SLCO1C1: variants seen among roughly 807,000 people sequenced by gnomAD.
SLCO1C1 encodes the protein OAT-RP-5.
SLCO1C1 carries 70 observed loss-of-function variants against 76.4 expected under a neutral mutation model. That is an observed-to-expected ratio of 0.92 (90% CI 0.76 to 1.12). The LOEUF is 1.12. SLCO1C1 is among the 50% of genes most tolerant of loss of function. The pLI, the probability that SLCO1C1 is intolerant of heterozygous loss-of-function variation, is 0.00. For missense variants in SLCO1C1, 912 were observed against 823.8 expected (o/e 1.11, Z -1.31); for synonymous variants, 306 against 286.1 (o/e 1.07, Z -0.70).
intron 11 of SLCO1C1, 114 bp downstream of exon 11, chr12:20,737,386 G>C: frequency 9.2e-7 from 1 of 1,081,608 alleles, no homozygotes; most frequent in Middle Eastern, 2.2e-4. Flanking sequence ...TCTTACCTCT[G>C]CCTGGTCCTT....
intron 5 of SLCO1C1, 74 bp from the exon 6 acceptor site, chr12:20,715,065 G>T: frequency 6.4e-7 from 1 of 1,554,220 alleles, no homozygotes; most frequent in Admixed American, 1.7e-5. Flanking sequence ...TAAGATATAC[G>T]GTAGAAATGC....
chr12:20,696,419 T>A (rs1217698218), intron 1 of SLCO1C1, among the ~76,000 whole-genome samples: 1 of 152,042 alleles, frequency 6.6e-6, no homozygotes, highest in Non-Finnish European at 1.5e-5. Context: ...AGAGTCCGAG[T>A]CAGTTGCAGA....
intron 5 of SLCO1C1, among the ~76,000 whole-genome samples, chr12:20,713,336 C>T (rs553964568): frequency 2.6e-5 from 4 of 152,226 alleles, no homozygotes; most frequent in Non-Finnish European, 5.9e-5. Context: ...GCCTCGGCCT[C>T]CCAAAGTGCT....
chr12:20,718,540 C>A (rs1437197988), intron 7 of SLCO1C1, among the ~76,000 whole-genome samples: 1 of 152,126 alleles, frequency 6.6e-6, no homozygotes. Context: ...GTATTGTTAA[C>A]CATCATTTAA....
chr12:20,751,131 T>G (rs1949285033), intron 14 of SLCO1C1, among the ~76,000 whole-genome samples: 1 of 152,120 alleles, frequency 6.6e-6, no homozygotes, highest in Non-Finnish European at 1.5e-5. Flanking sequence ...GGTCACATTT[T>G]GGGTTTGATT....
intron 10 of SLCO1C1, among the ~76,000 whole-genome samples, chr12:20,735,246 A>G (rs1204258916): frequency 6.6e-6 from 1 of 152,232 alleles, no homozygotes; most frequent in African/African-American, 2.4e-5. Flanking sequence ...AGATATGATA[A>G]TGGAAGAAAT....
chr12:20,710,202 T>C (rs1257958076), intron 4 of SLCO1C1, among the ~76,000 whole-genome samples: 1 of 128,774 alleles, frequency 7.8e-6, no homozygotes. Context: ...CTACTTTTCT[T>C]TTTTTTTTTT....
At chr12:20,743,441 T>C in intron 13 of SLCO1C1, 72 bp downstream of exon 13, 1 of 1,250,300 alleles carries the variant, frequency 8.0e-7, no homozygotes, top group African/African-American at 1.5e-5. Flanking sequence ...TAAATATTTT[T>C]ACAGAATTGC....
At position 20,729,258 on chromosome 12, in the gene SLCO1C1, G is replaced by C. The variant is rs1948163758; in HGVS notation, c.1187-3651G>C. On this transcript the variant is annotated intron_variant, in intron 9 of 14. Coordinates refer to ENST00000266509, the MANE Select transcript of SLCO1C1 (RefSeq NM_017435.5). ...TACATCCTGTGAAATTTGAAAGGGA[G>C]AATCAAGCCAACGTTATATTTGAAA... Among the ~76,000 whole-genome samples the C allele has an allele frequency of 2.0e-5, 3 of 152,272 alleles. No individual in the cohort carries two copies. In the South Asian group the frequency reaches 6.2e-4, roughly 32 times the overall value.
At chr12:20,696,472 C>T (rs745869181) in intron 1 of SLCO1C1, among the ~76,000 whole-genome samples, 41 of 152,090 alleles carry the variant, frequency 2.7e-4, no homozygotes, top group Non-Finnish European at 4.7e-4. Context: ...CTACAACCTT[C>T]CTAAGCCACT....
intron 10 of SLCO1C1, 75 bp downstream of exon 10, chr12:20,733,179 A>C: frequency 7.3e-7 from 1 of 1,372,992 alleles, no homozygotes; most frequent in Non-Finnish European, 9.7e-7. Context: ...GTTGCAAAAA[A>C]GGAATTTGAT....
chr12:20,722,022 A>T lies in SLCO1C1; in HGVS notation c.994A>T (p.Asn332Tyr). 1 of 1,613,520 alleles carries T rather than the reference A, an allele frequency of 6.2e-7. No individual in the cohort carries two copies. Among genetic ancestry groups the T allele is most frequent in the South Asian group, 1.1e-5 (1 of 90,990 alleles). Reference protein sequence around the residue: ...HTDYQTPQGENAKIMEMARDF... With the variant: ...HTDYQTPQGEYAKIMEMARDF... ...AGACTACCAAACACCCCAGGGAGAAAATGCAAAAATAATGGAAATGGCAAG... is the reference window on the plus strand; with the variant it reads ...AGACTACCAAACACCCCAGGGAGAATATGCAAAAATAATGGAAATGGCAAG... The change falls in exon 8 of 15, where the codon AAT becomes TAT. Residue 332 changes from asparagine to tyrosine, a missense_variant. Coordinates refer to ENST00000266509, the MANE Select transcript of SLCO1C1 (RefSeq NM_017435.5).
At chr12:20,748,546 C>G (rs1266833851) in intron 13 of SLCO1C1, among the ~76,000 whole-genome samples, 1 of 152,098 alleles carries the variant, frequency 6.6e-6, no homozygotes, top group African/African-American at 2.4e-5. Flanking sequence ...CTAATATAAT[C>G]CCTCATTCAA....
At chr12:20,718,202 A>G (rs1204308648) in intron 7 of SLCO1C1, among the ~76,000 whole-genome samples, 1 of 152,194 alleles carries the variant, frequency 6.6e-6, no homozygotes, top group East Asian at 1.9e-4. Context: ...TACAGAGGAA[A>G]ATTGTTAAGG....
At chr12:20,741,069 C>T (rs145449415) in intron 12 of SLCO1C1, among the ~76,000 whole-genome samples, 2 of 151,988 alleles carry the variant, frequency 1.3e-5, no homozygotes, top group African/African-American at 2.4e-5. Context: ...AGTCCTTCCT[C>T]ACAAGGCACA....
At chr12:20,711,261 G>A (rs946387685) in intron 4 of SLCO1C1, 125 bp from the exon 5 acceptor site, 18 of 1,078,688 alleles carry the variant, frequency 1.7e-5, no homozygotes, top group Admixed American at 2.7e-5. Flanking sequence ...GCTTGATTTG[G>A]TGAATTAGGT....
intron 7 of SLCO1C1, among the ~76,000 whole-genome samples, chr12:20,720,745 C>T (rs1187625254): frequency 6.6e-6 from 1 of 152,172 alleles, no homozygotes; most frequent in East Asian, 1.9e-4. Context: ...TGCCTGTAAT[C>T]CCAGCACTTT....
At chr12:20,723,941 G>C (rs1478582327) in intron 9 of SLCO1C1, among the ~76,000 whole-genome samples, 2 of 151,760 alleles carry the variant, frequency 1.3e-5, no homozygotes, top group East Asian at 3.9e-4. Flanking sequence ...CTCTAGTATT[G>C]TAAAAATCAG....
At chr12:20,730,499 T>C (rs1459860631) in intron 9 of SLCO1C1, among the ~76,000 whole-genome samples, 1 of 152,244 alleles carries the variant, frequency 6.6e-6, no homozygotes, top group Non-Finnish European at 1.5e-5. Context: ...CTGGGTTTGT[T>C]GATATATTTT....
Sources: gnomAD v4.1 joint callset for allele counts (sites outside exome capture counted in the v4.1 genomes callset) on GRCh38, gnomAD v4.1.1 for gene constraint, MANE v1.5 for transcripts, NCBI Gene and HGNC (gene_info 2026-07-23, HGNC 2026-07-21) for gene names.